Variants in TEX9 observed in about 807,000 individuals in gnomAD.
TEX9 encodes testis-expressed protein 9.
Under a neutral mutation model 59.6 loss-of-function variants are expected in TEX9, and 74 were observed. That is an observed-to-expected ratio of 1.24 (90% confidence interval 1.03 to 1.51). TEX9 has a LOEUF of 1.51. Ranked by LOEUF, TEX9 falls within the 40% of genes most tolerant of loss-of-function variation. TEX9 has a pLI of 0.00. For synonymous variants in TEX9, 186 were observed against 152.2 expected (o/e 1.22, Z -1.64); for missense variants, 522 against 447.8 (o/e 1.17, Z -1.49).
chr15:56,300,780 A>G lies in TEX9; in HGVS notation c.-107+56502A>G, dbSNP rs375667742. On this transcript the variant is annotated intron_variant, in intron 1 of 5. Coordinates refer to the TEX9 transcript ENST00000560827. The stretch of plus-strand genomic sequence containing the variant: ...CATTTGTTTGGGGAAAAGTAAAGCA[A>G]AAGTCTCTACCTGGCCCTAATGTAG... Among the ~76,000 whole-genome samples, 48 of 150,960 alleles carry G rather than the reference A, an allele frequency of 3.2e-4. 1 individual carries two copies. Among genetic ancestry groups the G allele is most frequent in the African/African-American group, 1.1e-3 (46 of 40,950 alleles).
the TEX9 span, among the ~76,000 whole-genome samples, chr15:56,453,787 G>A: frequency 6.6e-6 from 1 of 152,076 alleles, no homozygotes; most frequent in Non-Finnish European, 1.5e-5. Context: ...AAAACCATGT[G>A]TTCCAAAATC....
intron 12 of TEX9, among the ~76,000 whole-genome samples, chr15:56,432,570 T>C (rs1325136896): frequency 1.2e-4 from 19 of 152,196 alleles, no homozygotes; most frequent in Non-Finnish European, 2.4e-4. Flanking sequence ...CAGCTTCATA[T>C]TGGGAACATT....
intron 9 of TEX9, chr15:56,396,123 G>A (rs2142356511): frequency 6.6e-6 from 1 of 152,278 alleles, no homozygotes; most frequent in South Asian, 2.1e-4. Context: ...TTTGTAAAAT[G>A]TAGTGACGAT....
At chr15:56,316,694 G>A (rs1438811528) in intron 1 of TEX9, among the ~76,000 whole-genome samples, 5 of 152,148 alleles carry the variant, frequency 3.3e-5, no homozygotes, top group Non-Finnish European at 5.9e-5. Flanking sequence ...GGAGCTTCCG[G>A]GCTGCTTTGT....
At chr15:56,343,585 G>C (rs1387543368) in intron 1 of TEX9, among the ~76,000 whole-genome samples, 2 of 152,000 alleles carry the variant, frequency 1.3e-5, no homozygotes, top group Non-Finnish European at 2.9e-5. Flanking sequence ...TTAACTAGAA[G>C]TATAGTAAGA....
intron 1 of TEX9, among the ~76,000 whole-genome samples, chr15:56,300,705 GA>G (rs2045330649): frequency 1.2e-4 from 13 of 109,218 alleles, no homozygotes; most frequent in East Asian, 5.4e-4. Context: ...GAGAGAGAGA[GA>G]GGGAGAGAGA....
At chr15:56,409,627 A>G (rs1246752607) in intron 9 of TEX9, among the ~76,000 whole-genome samples, 1 of 152,056 alleles carries the variant, frequency 6.6e-6, no homozygotes, top group South Asian at 2.1e-4. Context: ...CAGCCTTCCA[A>G]GCAGCTGGGA....
intron 1 of TEX9, among the ~76,000 whole-genome samples, chr15:56,351,896 A>G (rs1228689655): frequency 6.6e-6 from 1 of 152,164 alleles, no homozygotes; most frequent in African/African-American, 2.4e-5. Context: ...TCTCTACAAA[A>G]TGCTTTATTT....
At chr15:56,330,756 G>A (rs1795912197) in intron 1 of TEX9, among the ~76,000 whole-genome samples, 1 of 151,132 alleles carries the variant, frequency 6.6e-6, no homozygotes, top group Non-Finnish European at 1.5e-5. Flanking sequence ...AAGAAGAGAA[G>A]GCCACAAAAC....
intron 9 of TEX9, among the ~76,000 whole-genome samples, chr15:56,398,792 G>T (rs2048612550): frequency 6.6e-6 from 1 of 152,026 alleles, no homozygotes; most frequent in African/African-American, 2.4e-5. Context: ...TTTGTATGGG[G>T]ATAATTTTTT....
intron 10 of TEX9, among the ~76,000 whole-genome samples, chr15:56,418,610 C>G (rs777969800): frequency 6.6e-6 from 1 of 151,312 alleles, no homozygotes; most frequent in Non-Finnish European, 1.5e-5. Context: ...AAGATTGCAC[C>G]ACTGCACTCC....
chr15:56,420,380 T>C (rs1242760903), intron 10 of TEX9, among the ~76,000 whole-genome samples: 1 of 151,664 alleles, frequency 6.6e-6, no homozygotes. Context: ...CAAACTTGGC[T>C]CACTGCAACC....
At chr15:56,312,017 T>C (rs2045633640) in intron 1 of TEX9, among the ~76,000 whole-genome samples, 2 of 151,886 alleles carry the variant, frequency 1.3e-5, no homozygotes, top group South Asian at 4.2e-4. Context: ...TAAATTTGTT[T>C]GAGTTCACTA....
intron 1 of TEX9, among the ~76,000 whole-genome samples, chr15:56,244,438 T>G (rs147818140): frequency 6.6e-6 from 1 of 152,002 alleles, no homozygotes; most frequent in Non-Finnish European, 1.5e-5. Flanking sequence ...CTGGCCCCAC[T>G]TTAACTATCC....
At chr15:56,373,441 G>T in exon 3 of TEX9, 1 of 1,587,554 alleles carries the variant, frequency 6.3e-7, no homozygotes, top group Non-Finnish European at 8.5e-7. Flanking sequence ...CTGCTTTTAG[G>T]CGTTTAAATG....
intron 12 of TEX9, chr15:56,431,522 T>C (rs377589964): frequency 1.2e-6 from 2 of 1,612,848 alleles, no homozygotes; most frequent in East Asian, 4.5e-5. Context: ...TCAAATTTTG[T>C]TATCACAAAG....
At chr15:56,249,742 CAA>C (rs11440856) in intron 1 of TEX9, among the ~76,000 whole-genome samples, 13 of 25,474 alleles carry the variant, frequency 5.1e-4, no homozygotes, top group African/African-American at 1.6e-3. Flanking sequence ...GGATCTGTCT[CAA>C]AAAAAAAAAA....
intron 5 of TEX9, 31 bp from the exon 6 acceptor site, chr15:56,389,283 CTAAT>C (rs1201238889): frequency 1.3e-6 from 2 of 1,531,456 alleles, no homozygotes; most frequent in Non-Finnish European, 1.8e-6. Flanking sequence ...TGATTAGACT[CTAAT>C]TAGTCAATAC....
At chr15:56,343,125 T>C (rs921220228) in intron 1 of TEX9, among the ~76,000 whole-genome samples, 3 of 152,038 alleles carry the variant, frequency 2.0e-5, no homozygotes, top group African/African-American at 7.2e-5. Context: ...ATCTGATAGG[T>C]TTATAAAAAT....
Sources: allele counts gnomAD v4.1 joint callset (sites outside exome capture counted in the v4.1 genomes callset), GRCh38; gene constraint gnomAD v4.1.1; transcripts MANE v1.5; gene names NCBI Gene and HGNC (gene_info 2026-07-23, HGNC 2026-07-21).